Variants in BRWD1 observed in about 807,000 individuals in gnomAD.
The protein encoded by BRWD1 is bromodomain and WD repeat domain containing 1, also known as bromodomain and WD repeat-containing protein 1.
Under a neutral mutation model 251.2 loss-of-function variants are expected in BRWD1, and 82 were observed. The observed-to-expected ratio is 0.33, with a 90% confidence interval of 0.27 to 0.39. The LOEUF (loss-of-function observed/expected upper bound fraction) is 0.39, where lower values mean the gene tolerates loss of function less well. BRWD1 is among the 10% of genes least tolerant of loss of function. The pLI is 1.00. For missense variants in BRWD1, 2,233 were observed against 2,711.6 expected, an observed-to-expected ratio of 0.82 and a Z score of 3.92; for synonymous variants, 918 against 902.8, an observed-to-expected ratio of 1.02 and a Z score of -0.30.
chr21:39,310,731 G>A (rs571657661), intron 4 of BRWD1, among the ~76,000 whole-genome samples: 3 of 152,202 alleles, frequency 2.0e-5, no homozygotes, highest in African/African-American at 7.2e-5. Flanking sequence ...GCTCACCTAG[G>A]CTGGAGCACA....
chr21:39,310,063 C>T (rs764759194), intron 4 of BRWD1, among the ~76,000 whole-genome samples: 1 of 152,222 alleles, frequency 6.6e-6, no homozygotes, highest in African/African-American at 2.4e-5. Flanking sequence ...CAATATGCAA[C>T]ATTCTCTGAT....
upstream of BRWD1, chr21:39,313,921 G>T (rs1051874646): frequency 3.2e-6 from 1 of 317,106 alleles, no homozygotes; most frequent in African/African-American, 2.3e-5. Flanking sequence ...GCGCGACGCC[G>T]GGTGGCCCAG....
At chr21:39,301,978 G>GTTTTTTTTTTTT (rs750413248) in intron 4 of BRWD1, among the ~76,000 whole-genome samples, 2 of 79,866 alleles carry the variant, frequency 2.5e-5, no homozygotes, top group Non-Finnish European at 4.4e-5. Flanking sequence ...AGCTTTGTGT[G>GTTTTTTTTTTTT]TTTTTTTTTT....
intron 4 of BRWD1, among the ~76,000 whole-genome samples, chr21:39,307,741 AC>A (rs1258311340): frequency 1.3e-5 from 2 of 152,080 alleles, no homozygotes; most frequent in Non-Finnish European, 2.9e-5. Context: ...TAAAACAAAA[AC>A]CTCTTTTACA....
In BRWD1 at chr21:39,188,453, G is replaced by A. The variant is rs2031368403; in HGVS notation, c.*7806C>T. ...TTTTTACTACTAAGTACTAGAAAAT[G>A]AGAGCTCTTTTAGTCAGATACTATC... On this transcript the variant is annotated 3_prime_UTR_variant, in exon 41 of 41. Transcript: ENST00000342449. 3.0e-6 allele frequency: 3 copies of A among 985,258 alleles called. No homozygotes were observed. The Admixed American group carries it at 1.8e-4, about 61-fold the overall frequency. 61.0% of individuals were successfully genotyped at this position (985,258 alleles called of 1,614,324 possible). A position where few individuals can be genotyped will look rare whatever the true frequency, so the allele number is the denominator to read the frequency against.
chr21:39,213,140 A>C (rs1412099174), intron 33 of BRWD1, among the ~76,000 whole-genome samples: 1 of 152,180 alleles, frequency 6.6e-6, no homozygotes, highest in East Asian at 1.9e-4. Flanking sequence ...TCCTGGCTCA[A>C]GCAATCTTCC....
intron 18 of BRWD1, among the ~76,000 whole-genome samples, chr21:39,258,174 T>G (rs959284708): frequency 3.3e-5 from 5 of 152,206 alleles, no homozygotes; most frequent in African/African-American, 4.8e-5. Flanking sequence ...AAATTACCAA[T>G]GTTAAAGCAA....
At position 39,235,492 on chromosome 21, in the gene BRWD1, G is replaced by A. The variant is rs118085236; in HGVS notation, c.2766+1103C>T. On this transcript the variant is annotated intron_variant, in intron 23 of 40. Coordinates refer to ENST00000342449, the MANE Select transcript of BRWD1 (RefSeq NM_033656.4). ...TCCAGCATTGCTCAAAAGTTACTCC[G>A]TTCATAGTGAATTAAGCAAGGTAAA... 3.2e-3 allele frequency: 518 copies of A among 163,838 alleles called. 1 individual carries two copies. Among genetic ancestry groups the A allele is most frequent in the Non-Finnish European group, 5.4e-3 (392 of 72,372 alleles). The allele number at this position is 163,838 out of a possible 1,614,324, so 10.1% of individuals were successfully genotyped here.
intron 4 of BRWD1, among the ~76,000 whole-genome samples, chr21:39,303,235 G>T (rs1239825868): frequency 6.6e-6 from 1 of 151,614 alleles, no homozygotes; most frequent in East Asian, 1.9e-4. Context: ...AAGAAATAAA[G>T]AGGCCGGGTG....
chr21:39,294,803 A>G (rs1438359243), intron 7 of BRWD1, among the ~76,000 whole-genome samples: 4 of 152,202 alleles, frequency 2.6e-5, no homozygotes, highest in African/African-American at 4.8e-5. Context: ...TAGCCTCCTC[A>G]CGAACACAGT....
chr21:39,280,123 C>T, intron 9 of BRWD1, 25 bp downstream of exon 9: 1 of 1,494,992 alleles, frequency 6.7e-7, no homozygotes, highest in South Asian at 1.2e-5. Flanking sequence ...AAAACAAAAC[C>T]TGTTACATAA....
intron 21 of BRWD1, among the ~76,000 whole-genome samples, chr21:39,240,670 T>C (rs73906157): frequency 1.8e-3 from 272 of 152,332 alleles, no homozygotes; most frequent in African/African-American, 6.2e-3. Context: ...TGCCATAAAG[T>C]ACTACATAAC....
At chr21:39,232,318 A>T in intron 24 of BRWD1, 34 bp from the exon 25 acceptor site, 1 of 1,606,360 alleles carries the variant, frequency 6.2e-7, no homozygotes, top group Non-Finnish European at 8.5e-7. Flanking sequence ...AAAAATTAAG[A>T]GCAATATAAA....
intron 4 of BRWD1, among the ~76,000 whole-genome samples, chr21:39,299,224 A>AT (rs1479206025): frequency 1.4e-5 from 2 of 141,656 alleles, no homozygotes; most frequent in East Asian, 4.0e-4. Context: ...ATATATATAC[A>AT]TATTACGCTA....
At chr21:39,277,957 T>A (rs550511101) in intron 10 of BRWD1, among the ~76,000 whole-genome samples, 52 of 151,942 alleles carry the variant, frequency 3.4e-4, no homozygotes, top group African/African-American at 1.2e-3. Flanking sequence ...CAAGCAATAC[T>A]CCCACCTAGT....
chr21:39,276,039 T>TAAAC (rs2035270443), intron 12 of BRWD1, 134 bp downstream of exon 12: 1 of 666,032 alleles, frequency 1.5e-6, no homozygotes, highest in Non-Finnish European at 2.0e-6. Flanking sequence ...TCTCAAAAAA[T>TAAAC]AAATAAATAA....
chr21:39,189,356 T>C lies in BRWD1; in HGVS notation c.*6903A>G. ...AACAAAATGCTTTAAGTTGCAGAAA[T>C]TCCATTTTGATGTGTGATCAAAGTA... On this transcript the variant is annotated 3_prime_UTR_variant, in exon 41 of 41. Transcript: ENST00000342449. 1.0e-6 allele frequency: 1 copy of C among 985,116 alleles called. No individual in the cohort carries two copies. The highest frequency in any genetic ancestry group is 1.2e-6 in the Non-Finnish European group (1 of 829,644). 61.0% of individuals were successfully genotyped at this position (985,116 alleles called of 1,614,324 possible).
chr21:39,202,721 T>C (rs1382019207), intron 37 of BRWD1, among the ~76,000 whole-genome samples, 176 bp from the exon 38 acceptor site: 1 of 152,234 alleles, frequency 6.6e-6, no homozygotes, highest in East Asian at 1.9e-4. Context: ...AGTAGTAGTA[T>C]TTCCTAACTC....
At chr21:39,293,506 A>G (rs1287712488) in intron 8 of BRWD1, among the ~76,000 whole-genome samples, 1 of 152,106 alleles carries the variant, frequency 6.6e-6, no homozygotes, top group Non-Finnish European at 1.5e-5. Context: ...AAAAAAAAAA[A>G]ATCAACTTAG....
Sources: gnomAD v4.1 joint callset for allele counts (sites outside exome capture counted in the v4.1 genomes callset) on GRCh38, gnomAD v4.1.1 for gene constraint, MANE v1.5 for transcripts, NCBI Gene and HGNC (gene_info 2026-07-23, HGNC 2026-07-21) for gene names.